The following FXR1 variants were observed in gnomAD, a reference collection of about 807,000 sequenced individuals.
FXR1 encodes the protein RNA-binding protein FXR1.
A neutral mutation model predicts 84.0 loss-of-function variants in FXR1; 15 were observed. The observed-to-expected ratio is 0.18, with a 90% CI of 0.12 to 0.27. The LOEUF is 0.27. FXR1 is among the 10% of genes least tolerant of loss of function. FXR1 has a pLI of 1.00. For synonymous variants in FXR1, 245 were observed against 250.7 expected, an observed-to-expected ratio of 0.98 and a Z score of 0.21; for missense variants, 480 against 774.4, an observed-to-expected ratio of 0.62 and a Z score of 4.51.
chr3:180,948,037 A>C, intron 4 of FXR1, 101 bp downstream of exon 4: 5 of 698,502 alleles, frequency 7.2e-6, no homozygotes, highest in Non-Finnish European at 5.0e-6. Flanking sequence ...TATTTCTAAA[A>C]GCCTACCTGA....
chr3:180,917,257 C>T lies in FXR1; in HGVS notation c.51+4521C>T, dbSNP rs888191362. 1.5e-4 allele frequency among the ~76,000 whole-genome samples: 22 copies of T among 146,798 alleles called. 1 individual carries two copies. The highest frequency in any genetic ancestry group is 5.4e-4 in the African/African-American group (21 of 38,852). ...GATTTAATATTAAGTGGAATTTGAG[C>T]GTAATCTAAATTATGCATAGATATA... is the stretch of plus-strand genomic sequence containing the variant. On this transcript the variant is annotated intron_variant, in intron 1 of 16. Coordinates refer to ENST00000357559, the MANE Select transcript of FXR1 (RefSeq NM_005087.4).
At chr3:180,918,008 T>C (rs1178382093) in intron 1 of FXR1, among the ~76,000 whole-genome samples, 1 of 151,506 alleles carries the variant, frequency 6.6e-6, no homozygotes, top group Non-Finnish European at 1.5e-5. Flanking sequence ...AAGTTTTGTG[T>C]TTTGTATTAG....
intron 9 of FXR1, among the ~76,000 whole-genome samples, chr3:180,956,828 T>C (rs1185296630): frequency 2.0e-5 from 3 of 152,192 alleles, no homozygotes; most frequent in Non-Finnish European, 2.9e-5. Context: ...CAGTCTACTG[T>C]TGTCGTTCTT....
chr3:180,961,098 C>T (rs540635130), intron 10 of FXR1, among the ~76,000 whole-genome samples: 1 of 151,886 alleles, frequency 6.6e-6, no homozygotes, highest in Non-Finnish European at 1.5e-5. Context: ...AGTCAATAAT[C>T]CCAGCGCTTT....
At chr3:180,963,830 T>C (rs1712449776) in intron 13 of FXR1, among the ~76,000 whole-genome samples, 1 of 152,198 alleles carries the variant, frequency 6.6e-6, no homozygotes, top group South Asian at 2.1e-4. Context: ...TTTTTCTACA[T>C]TTGGACTTGG....
chr3:180,932,039 C>T (rs1473740380), intron 1 of FXR1, among the ~76,000 whole-genome samples: 2 of 127,674 alleles, frequency 1.6e-5, no homozygotes, highest in Admixed American at 8.7e-5. Flanking sequence ...TTTTTTATTA[C>T]TTAAGTTACC....
intron 9 of FXR1, among the ~76,000 whole-genome samples, chr3:180,956,858 C>T (rs1206058958): frequency 6.6e-6 from 1 of 152,124 alleles, no homozygotes; most frequent in Non-Finnish European, 1.5e-5. Context: ...TTAATAGAAA[C>T]TGTTCAGGCA....
intron 1 of FXR1, among the ~76,000 whole-genome samples, chr3:180,925,762 T>G (rs1416228997): frequency 2.0e-5 from 3 of 152,194 alleles, no homozygotes; most frequent in Non-Finnish European, 2.9e-5. Flanking sequence ...AATAAACTGA[T>G]AATTGATCAA....
At chr3:180,937,724 C>T (rs1044876649) in intron 3 of FXR1, among the ~76,000 whole-genome samples, 1 of 151,920 alleles carries the variant, frequency 6.6e-6, no homozygotes, top group African/African-American at 2.4e-5. Context: ...ATCCATATTA[C>T]GTAGAGTGTT....
intron 1 of FXR1, among the ~76,000 whole-genome samples, chr3:180,917,797 A>C (rs1474649188): frequency 6.6e-6 from 1 of 151,892 alleles, no homozygotes; most frequent in East Asian, 1.9e-4. Context: ...AAATACAAAA[A>C]TTAGCCAGGT....
chr3:180,921,662 A>G (rs1011345461), intron 1 of FXR1, among the ~76,000 whole-genome samples: 5 of 151,666 alleles, frequency 3.3e-5, no homozygotes, highest in African/African-American at 1.2e-4. Context: ...TGAGATCCCT[A>G]GAGATGGAAA....
chr3:180,959,705 G>A (rs529781042), intron 10 of FXR1, among the ~76,000 whole-genome samples: 1 of 151,064 alleles, frequency 6.6e-6, no homozygotes, highest in South Asian at 2.1e-4. Flanking sequence ...TGAGGACAGT[G>A]TTAAGACTTC....
intron 13 of FXR1, among the ~76,000 whole-genome samples, chr3:180,967,783 T>A (rs1400210947): frequency 6.6e-6 from 1 of 152,092 alleles, no homozygotes; most frequent in Non-Finnish European, 1.5e-5. Flanking sequence ...GGGATTCTTC[T>A]GCTGGTTTTG....
chr3:180,981,391 A>G lies in FXR1; in HGVS notation c.*5099A>G, dbSNP rs943393293. The G allele has an allele frequency of 3.3e-5, 5 of 151,994 alleles. No individual in the cohort carries two copies. Among genetic ancestry groups the G allele is most frequent in the Non-Finnish European group, 7.4e-5 (5 of 67,944 alleles). 9.4% of individuals were successfully genotyped at this position (151,994 alleles called of 1,614,324 possible). A position where few individuals can be genotyped will look rare whatever the true frequency, so the allele number is the denominator to read the frequency against. ...AAATGTTTCCGTAAGTACTCTCATCATTTGGAAAATACTTGATGGCAGGAG... is the reference window on the plus strand; with the variant it reads ...AAATGTTTCCGTAAGTACTCTCATCGTTTGGAAAATACTTGATGGCAGGAG... On this transcript the variant is annotated 3_prime_UTR_variant, in exon 17 of 17. Transcript: ENST00000357559.
intron 1 of FXR1, among the ~76,000 whole-genome samples, chr3:180,925,158 C>T (rs926432031): frequency 3.9e-5 from 6 of 151,912 alleles, no homozygotes; most frequent in Admixed American, 1.3e-4. Flanking sequence ...GTCAGGAGTT[C>T]GAGACCAGCC....
intron 13 of FXR1, among the ~76,000 whole-genome samples, chr3:180,967,599 ATTAATG>A (rs552248332): frequency 6.5e-4 from 98 of 151,868 alleles, no homozygotes; most frequent in African/African-American, 2.2e-3. Flanking sequence ...AAACCTAGGA[ATTAATG>A]TTCTGTATAT....
At chr3:180,920,200 C>G (rs1718411883) in intron 1 of FXR1, among the ~76,000 whole-genome samples, 1 of 152,114 alleles carries the variant, frequency 6.6e-6, no homozygotes, top group African/African-American at 2.4e-5. Flanking sequence ...TCATAGGTAG[C>G]TGTTTTTGGT....
At chr3:180,921,876 C>T (rs1011855632) in intron 1 of FXR1, among the ~76,000 whole-genome samples, 7 of 152,068 alleles carry the variant, frequency 4.6e-5, no homozygotes, top group African/African-American at 7.2e-5. Flanking sequence ...CTCTCACCTC[C>T]GCCTCCATAT....
At chr3:180,937,433 T>C (rs1333469774) in intron 3 of FXR1, among the ~76,000 whole-genome samples, 1 of 152,146 alleles carries the variant, frequency 6.6e-6, no homozygotes, top group African/African-American at 2.4e-5. Flanking sequence ...ACAGTCTGGC[T>C]CACCCCTGTG....
Sources: allele counts gnomAD v4.1 joint callset (sites outside exome capture counted in the v4.1 genomes callset), GRCh38; gene constraint gnomAD v4.1.1; transcripts MANE v1.5; gene names NCBI Gene and HGNC (gene_info 2026-07-23, HGNC 2026-07-21).